The following ZNF385D variants were observed in gnomAD, a reference collection of about 807,000 sequenced individuals.
ZNF385D encodes the protein zinc finger protein 385D.
In ZNF385D, 15 loss-of-function variants were observed where a neutral mutation model predicts 35.8. The ratio of observed to expected loss-of-function variants is 0.42; its 90% confidence interval spans 0.28 to 0.64. The LOEUF is 0.64. Among genes scored for constraint, ZNF385D ranks in the 30% least tolerant of loss-of-function variants. ZNF385D has a pLI of 0.23. For missense variants in ZNF385D, 474 were observed against 494.6 expected, an observed-to-expected ratio of 0.96 and a Z score of 0.39; for synonymous variants, 212 against 186.8, an observed-to-expected ratio of 1.13 and a Z score of -1.10.
At chr3:22,145,355 G>A (rs1414252503) in intron 3 of ZNF385D, among the ~76,000 whole-genome samples, 1 of 152,118 alleles carries the variant, frequency 6.6e-6, no homozygotes, top group Non-Finnish European at 1.5e-5. Flanking sequence ...AAATGCCTAA[G>A]CTTATACAGC....
At chr3:22,218,927 T>C (rs544143494) in intron 2 of ZNF385D, among the ~76,000 whole-genome samples, 216 of 152,276 alleles carry the variant, frequency 1.4e-3, no homozygotes, top group Non-Finnish European at 2.5e-3. Flanking sequence ...GATCATTGCA[T>C]GTTAGACTGT....
intron 3 of ZNF385D, among the ~76,000 whole-genome samples, chr3:22,094,250 G>T (rs536966627): frequency 6.6e-6 from 1 of 150,610 alleles, no homozygotes. Flanking sequence ...AATTCTCATG[G>T]CTATGTGAGT....
intron 3 of ZNF385D, among the ~76,000 whole-genome samples, chr3:21,819,836 AATACACATATATACATAAAT>A (rs1431488871): frequency 3.4e-5 from 5 of 147,948 alleles, no homozygotes; most frequent in Non-Finnish European, 7.5e-5. Flanking sequence ...ATACAAATAT[AATACACATATATACATAAAT>A]ATACACATAT....
rs574828052 is a variant in ZNF385D at position 21,530,655 on chromosome 3, A to G, written c.277-19632T>C. ...TTAAAAGAGACCCTCAGCATGATCA[A>G]ACAAGTTTTTTTTCGTTGATGTGTC... On this transcript the variant is annotated intron_variant, in intron 3 of 7. Coordinates refer to ENST00000281523, the MANE Select transcript of ZNF385D (RefSeq NM_024697.3). 1.3e-4 allele frequency among the ~76,000 whole-genome samples: 20 copies of G among 152,270 alleles called. No individual in the cohort carries two copies. In the South Asian group the frequency reaches 3.7e-3, roughly 28 times the overall value.
At chr3:22,137,664 G>A (rs913676804) in intron 3 of ZNF385D, among the ~76,000 whole-genome samples, 8 of 152,196 alleles carry the variant, frequency 5.3e-5, no homozygotes, top group East Asian at 1.9e-4. Flanking sequence ...TTGATGGGAC[G>A]TATCTCAAAA....
intron 3 of ZNF385D, among the ~76,000 whole-genome samples, chr3:21,759,272 G>A (rs750135430): frequency 2.0e-5 from 3 of 151,922 alleles, no homozygotes; most frequent in Non-Finnish European, 2.9e-5. Context: ...ATATTGACCC[G>A]GACTGATATA....
intron 2 of ZNF385D, among the ~76,000 whole-genome samples, chr3:21,589,215 G>T (rs910822204): frequency 1.7e-4 from 26 of 152,306 alleles, no homozygotes; most frequent in Middle Eastern, 3.4e-3. Flanking sequence ...AAGGCTGAAG[G>T]AAGTACAGAA....
intron 3 of ZNF385D, among the ~76,000 whole-genome samples, chr3:21,967,961 C>T (rs1021991119): frequency 6.6e-6 from 1 of 152,140 alleles, no homozygotes; most frequent in Non-Finnish European, 1.5e-5. Flanking sequence ...GAAAGAGACA[C>T]TAAAGTGGGT....
intron 3 of ZNF385D, among the ~76,000 whole-genome samples, chr3:22,001,491 A>T (rs1307680303): frequency 6.6e-6 from 1 of 152,178 alleles, no homozygotes; most frequent in African/African-American, 2.4e-5. Context: ...TATAAAACAA[A>T]TATTACTGGA....
At position 22,015,054 on chromosome 3, in the gene ZNF385D, T is replaced by A. The variant is rs61424353; in HGVS notation, c.325+153763A>T. On this transcript the variant is annotated intron_variant, in intron 3 of 5. Coordinates refer to the ZNF385D transcript ENST00000494108. ...TATCACTGTGTAATTTCTTTTTTTT[T>A]AAATTATACACAGCTGTGGCCATAG... Among the ~76,000 whole-genome samples the A allele has an allele frequency of 2.5e-3, 378 of 152,256 alleles. 1 individual carries two copies. Among genetic ancestry groups the A allele is most frequent in the African/African-American group, 8.6e-3 (356 of 41,574 alleles).
intron 3 of ZNF385D, among the ~76,000 whole-genome samples, chr3:21,768,353 T>C (rs1446119466): frequency 6.6e-6 from 1 of 152,056 alleles, no homozygotes; most frequent in African/African-American, 2.4e-5. Flanking sequence ...ATAAATTTGT[T>C]ACTGAGGATC....
chr3:22,192,496 A>G (rs541082268), intron 2 of ZNF385D, among the ~76,000 whole-genome samples: 68 of 152,208 alleles, frequency 4.5e-4, no homozygotes, highest in Middle Eastern at 6.8e-3. Flanking sequence ...AGTTCACAAG[A>G]CTTCTGCCTT....
intron 3 of ZNF385D, among the ~76,000 whole-genome samples, chr3:22,148,498 A>G (rs980783264): frequency 1.3e-5 from 2 of 152,212 alleles, no homozygotes; most frequent in Non-Finnish European, 2.9e-5. Flanking sequence ...AAAAATAACT[A>G]TCAAGCAATT....
chr3:21,497,827 C>A (rs1263785355), intron 4 of ZNF385D, among the ~76,000 whole-genome samples: 1 of 152,054 alleles, frequency 6.6e-6, no homozygotes, highest in African/African-American at 2.4e-5. Flanking sequence ...CCAGCTTGGG[C>A]AACAGAGTGA....
intron 2 of ZNF385D, among the ~76,000 whole-genome samples, chr3:22,260,852 A>T (rs1385364085): frequency 6.6e-6 from 1 of 152,064 alleles, no homozygotes; most frequent in African/African-American, 2.4e-5. Flanking sequence ...TTCTGAAGAA[A>T]CGTGTTTTTA....
chr3:22,297,526 G>T (rs959132705), intron 2 of ZNF385D, among the ~76,000 whole-genome samples: 1 of 152,050 alleles, frequency 6.6e-6, no homozygotes, highest in Admixed American at 6.6e-5. Flanking sequence ...TGGCTGAAGT[G>T]GGGCCGGAGG....
chr3:22,000,235 G>A (rs930108326), intron 3 of ZNF385D, among the ~76,000 whole-genome samples: 2 of 152,046 alleles, frequency 1.3e-5, no homozygotes, highest in East Asian at 3.9e-4. Flanking sequence ...AACCCAGGAG[G>A]TGGAGCTTGC....
rs573718045 is a variant in ZNF385D at position 21,771,998 on chromosome 3, A to T, written c.326-106970T>A. 3.3e-5 allele frequency among the ~76,000 whole-genome samples: 5 copies of T among 152,060 alleles called. No individual in the cohort carries two copies. In the South Asian group the frequency reaches 6.2e-4, roughly 19 times the overall value. On this transcript the variant is annotated intron_variant, in intron 3 of 5. Coordinates refer to the ZNF385D transcript ENST00000494108. ...TGAGGAACAAGTAATCTCTTCAACA[A>T]ACAGTTCTGGGAAAACTGGATATCT...
intron 3 of ZNF385D, among the ~76,000 whole-genome samples, chr3:21,876,746 T>G (rs919027924): frequency 6.6e-6 from 1 of 152,044 alleles, no homozygotes; most frequent in African/African-American, 2.4e-5. Context: ...TTTCCTGTTT[T>G]GTAGTACAAA....
Sources: allele counts gnomAD v4.1 joint callset (sites outside exome capture counted in the v4.1 genomes callset), GRCh38; gene constraint gnomAD v4.1.1; transcripts MANE v1.5; gene names NCBI Gene and HGNC (gene_info 2026-07-23, HGNC 2026-07-21).